The following ATP9A variants were observed in gnomAD, a reference collection of about 807,000 sequenced individuals.
The protein encoded by ATP9A is ATPase phospholipid transporting 9A.
In ATP9A, 52 loss-of-function variants were observed where a neutral mutation model predicts 144.1. The ratio of observed to expected loss-of-function variants is 0.36; its 90% CI spans 0.29 to 0.45. The LOEUF is 0.45. Ranked by LOEUF, ATP9A falls within the 20% of genes least tolerant of loss-of-function variation. ATP9A has a pLI of 1.00. For missense variants in ATP9A, 947 were observed against 1,392.7 expected, an observed-to-expected ratio of 0.68 and a Z score of 5.09; for synonymous variants, 582 against 557.4, an observed-to-expected ratio of 1.04 and a Z score of -0.62.
At chr20:51,683,780 C>T (rs923090700) in intron 9 of ATP9A, among the ~76,000 whole-genome samples, 1 of 152,154 alleles carries the variant, frequency 6.6e-6, no homozygotes, top group African/African-American at 2.4e-5. Flanking sequence ...ACAGACTGGG[C>T]CTAAGAGTCT....
intron 3 of ATP9A, among the ~76,000 whole-genome samples, chr20:51,723,208 C>CA (rs1287095649): frequency 6.6e-6 from 1 of 152,062 alleles, no homozygotes. Flanking sequence ...TATGAGGACA[C>CA]AAAGGCATAA....
intron 13 of ATP9A, among the ~76,000 whole-genome samples, chr20:51,667,411 A>G (rs763458817): frequency 6.6e-6 from 1 of 152,200 alleles, no homozygotes; most frequent in Non-Finnish European, 1.5e-5. Flanking sequence ...AGTGATACAG[A>G]CATGTAGCTG....
chr20:51,688,923 T>C (rs2077535233), intron 9 of ATP9A, 141 bp downstream of exon 9: 1 of 940,904 alleles, frequency 1.1e-6, no homozygotes, highest in Non-Finnish European at 1.7e-6. Context: ...GTCAGTTTAA[T>C]TCCCTGGAGG....
Position 51,651,336 on chromosome 20 carries a change from A to ATATATTATATAATATATTTACATT in ATP9A, c.1506+5601_1506+5602insAATGTAAATATATTATATAATATA, listed in dbSNP as rs1568803586. Among the ~76,000 whole-genome samples, 5 of 80,732 alleles carry ATATATTATATAATATATTTACATT rather than the reference A, an allele frequency of 6.2e-5. 1 individual carries two copies. The highest frequency in any genetic ancestry group is 1.2e-4 in the Non-Finnish European group (5 of 40,606). The allele number at this position is 80,732 out of a possible 152,430, so 53.0% of individuals were successfully genotyped here. On this transcript the variant is annotated intron_variant, in intron 14 of 27. Transcript: ENST00000338821. The stretch of plus-strand genomic sequence containing the variant: ...TATATTATATAATATATATTTACAT[A>ATATATTATATAATATATTTACATT]ATATATTATATAATATATATTTACA...
chr20:51,684,054 G>A (rs1159019960), intron 9 of ATP9A, among the ~76,000 whole-genome samples: 1 of 152,080 alleles, frequency 6.6e-6, no homozygotes, highest in Non-Finnish European at 1.5e-5. Context: ...GCATGGTGAG[G>A]TGCGCCTATA....
At chr20:51,635,239 G>C (rs1435602197) in intron 15 of ATP9A, among the ~76,000 whole-genome samples, 2 of 152,202 alleles carry the variant, frequency 1.3e-5, no homozygotes, top group African/African-American at 4.8e-5. Context: ...CTGGCCAACA[G>C]CCAGGAAAGA....
rs891071853 is a variant in ATP9A, at chr20:51,599,184, C to T, written c.*2027G>A. On this transcript the variant is annotated 3_prime_UTR_variant, in exon 28 of 28. Transcript: ENST00000338821. ...TGCAGGAGCCAGCATCCCGAATCTC[C>T]GAGCAAAGCCAGGTACAGGGTTTGC... 2 of 152,236 alleles carry T rather than the reference C, an allele frequency of 1.3e-5. No homozygotes were observed. The highest frequency in any genetic ancestry group is 2.4e-5 in the African/African-American group (1 of 41,472). 9.4% of individuals were successfully genotyped at this position (152,236 alleles called of 1,614,324 possible). A position where few individuals can be genotyped will look rare whatever the true frequency, so the allele number is the denominator to read the frequency against.
At chr20:51,767,389 G>A (rs2077909593) in intron 1 of ATP9A, among the ~76,000 whole-genome samples, 1 of 151,372 alleles carries the variant, frequency 6.6e-6, no homozygotes, top group Admixed American at 6.6e-5. Context: ...TTGCACCAGC[G>A]CCCACCCCCG....
chr20:51,749,019 C>A (rs1471494499), intron 1 of ATP9A, among the ~76,000 whole-genome samples: 1 of 151,860 alleles, frequency 6.6e-6, no homozygotes, highest in Non-Finnish European at 1.5e-5. Flanking sequence ...GGTAGACTGG[C>A]TAAACAAACT....
chr20:51,617,807 T>C (rs991833889), intron 21 of ATP9A, among the ~76,000 whole-genome samples: 2 of 152,186 alleles, frequency 1.3e-5, no homozygotes, highest in African/African-American at 4.8e-5. Flanking sequence ...TGTGTCCACA[T>C]AGGCATTTAC....
At chr20:51,716,045 G>C (rs6021397) in intron 3 of ATP9A, among the ~76,000 whole-genome samples, 8,631 of 151,986 alleles carry the variant, frequency 0.057, 545 homozygotes, top group African/African-American at 0.15. Context: ...TGGGGTGATA[G>C]GAACAGGCAC....
At chr20:51,633,558 C>A (rs1405657067) in intron 15 of ATP9A, among the ~76,000 whole-genome samples, 1 of 152,076 alleles carries the variant, frequency 6.6e-6, no homozygotes, top group South Asian at 2.1e-4. Context: ...CCAGCCTGTG[C>A]AACACAGAGA....
chr20:51,636,036 C>T (rs1856816325), intron 15 of ATP9A, among the ~76,000 whole-genome samples: 1 of 152,152 alleles, frequency 6.6e-6, no homozygotes. Context: ...TTTTCCTACA[C>T]ATACATACCT....
At chr20:51,736,955 T>C (rs2077765534) in intron 1 of ATP9A, among the ~76,000 whole-genome samples, 1 of 152,028 alleles carries the variant, frequency 6.6e-6, no homozygotes, top group African/African-American at 2.4e-5. Flanking sequence ...ATGTCAAAAA[T>C]GAAAAAGAAA....
In ATP9A at chr20:51,704,717, T is replaced by C. The variant is rs574131384; in HGVS notation, c.437-7235A>G. On this transcript the variant is annotated intron_variant, in intron 4 of 27. Transcript: ENST00000338821. Reference sequence around the variant, plus strand: ...ATCGCTTGAACCCAGAAGGCAGAGGTTGTGGTGAGCCGAGATCGCGCCATC... The same window carrying C: ...ATCGCTTGAACCCAGAAGGCAGAGGCTGTGGTGAGCCGAGATCGCGCCATC... Among the ~76,000 whole-genome samples, 7 of 152,120 alleles carry C rather than the reference T, an allele frequency of 4.6e-5. No homozygotes were observed. In the South Asian group the frequency reaches 1.0e-3, roughly 23 times the overall value.
chr20:51,680,654 G>C (rs969501335), intron 9 of ATP9A, among the ~76,000 whole-genome samples: 45 of 152,104 alleles, frequency 3.0e-4, no homozygotes, highest in African/African-American at 1.1e-3. Flanking sequence ...TAGCAGACCT[G>C]TTAACCGAGA....
At chr20:51,714,402 T>C (rs2077653329) in intron 3 of ATP9A, among the ~76,000 whole-genome samples, 1 of 150,992 alleles carries the variant, frequency 6.6e-6, no homozygotes, top group African/African-American at 2.4e-5. Context: ...TTGTCATTGT[T>C]ACAGAGTCTC....
chr20:51,716,637 C>A (rs964818614), intron 3 of ATP9A, among the ~76,000 whole-genome samples: 1 of 152,098 alleles, frequency 6.6e-6, no homozygotes, highest in African/African-American at 2.4e-5. Context: ...GCCTGGGCGA[C>A]AGAATGAGAC....
At chr20:51,746,158 A>G (rs910356888) in intron 1 of ATP9A, among the ~76,000 whole-genome samples, 1 of 152,158 alleles carries the variant, frequency 6.6e-6, no homozygotes, top group African/African-American at 2.4e-5. Context: ...AGGGAAGAAG[A>G]GACACTGGGG....
Sources: gnomAD v4.1 joint callset for allele counts (sites outside exome capture counted in the v4.1 genomes callset) on GRCh38, gnomAD v4.1.1 for gene constraint, MANE v1.5 for transcripts, NCBI Gene and HGNC (gene_info 2026-07-23, HGNC 2026-07-21) for gene names.